The following ZNF462 variants were observed in gnomAD, a reference collection of about 807,000 sequenced individuals.
ZNF462 encodes the protein zinc finger PBX1-interacting protein.
Under a neutral mutation model 201.9 loss-of-function variants are expected in ZNF462, and 10 were observed. That is an observed-to-expected ratio of 0.05 (90% CI 0.03 to 0.08). The LOEUF (loss-of-function observed/expected upper bound fraction) is 0.08. Ranked by LOEUF, ZNF462 falls within the 10% of genes least tolerant of loss-of-function variation. ZNF462 has a pLI of 1.00. For missense variants in ZNF462, 2,523 were observed against 3,168.3 expected, an observed-to-expected ratio of 0.80 and a Z score of 4.89; for synonymous variants, 1,227 against 1,193.3, an observed-to-expected ratio of 1.03 and a Z score of -0.58.
At chr9:106,999,022 C>T (rs762077895) in intron 10 of ZNF462, among the ~76,000 whole-genome samples, 2 of 152,132 alleles carry the variant, frequency 1.3e-5, no homozygotes, top group East Asian at 3.9e-4. Context: ...GAATAAAGAT[C>T]TGCATATAGG....
At chr9:106,878,710 G>A (rs1313616749) in intron 1 of ZNF462, among the ~76,000 whole-genome samples, 1 of 152,230 alleles carries the variant, frequency 6.6e-6, no homozygotes, top group Non-Finnish European at 1.5e-5. Flanking sequence ...GAGTGGCTTA[G>A]GCTGTGGGTA....
intron 1 of ZNF462, among the ~76,000 whole-genome samples, chr9:106,897,269 G>A (rs775671090): frequency 2.0e-5 from 3 of 152,062 alleles, no homozygotes; most frequent in Non-Finnish European, 4.4e-5. Context: ...AACAGATTAT[G>A]TATTATGTTT....
intron 1 of ZNF462, among the ~76,000 whole-genome samples, chr9:106,896,058 G>A (rs955735159): frequency 2.6e-5 from 4 of 151,878 alleles, no homozygotes; most frequent in African/African-American, 9.7e-5. Flanking sequence ...CTCTTTACTT[G>A]GAAACTGTAC....
In ZNF462 at chr9:106,913,695, TCAAA is replaced by T. The variant is rs1289029278; in HGVS notation, c.-30-9656_-30-9653del. Among the ~76,000 whole-genome samples the T allele has an allele frequency of 1.4e-5, 2 of 139,728 alleles. No homozygotes were observed. Among genetic ancestry groups the T allele is most frequent in the Admixed American group, 7.3e-5 (1 of 13,744 alleles). The allele number at this position is 139,728 out of a possible 152,430, so 91.7% of individuals were successfully genotyped here. ...TCACTGCAACCTCTGTCTCCCAGGC[TCAAA>T]CAGTTTTCCTGCCTCAGCCTCCCGA... On this transcript the variant is annotated intron_variant, in intron 1 of 12. Coordinates refer to ENST00000277225, the MANE Select transcript of ZNF462 (RefSeq NM_021224.6). The surrounding 1 kb of genome is among the most constrained non-coding windows in gnomAD (Gnocchi z 4.1).
Position 106,925,370 on chromosome 9 carries a change from G to A in ZNF462, c.1458G>A (p.Gly486=). 6.2e-7 allele frequency: 1 copy of A among 1,614,162 alleles called. No homozygotes were observed. The stretch of plus-strand genomic sequence containing the variant: ...CTTGCAAGAGCTCGTTGAAACTTGG[G>A]GCTCACAAACAGTGTCACACGGGTA... The part of the protein sequence containing the change: ...PFTCKSSLKL[G]AHKQCHTGTT... Residue 486 remains glycine (G), a synonymous_variant, in exon 3 of 13, where the codon GGG becomes GGA. Coordinates refer to ENST00000277225, the MANE Select transcript of ZNF462 (RefSeq NM_021224.6). This position sits in a 1 kb window ranked among gnomAD's most constrained non-coding sequence, Gnocchi z 7.9.
intron 4 of ZNF462, among the ~76,000 whole-genome samples, chr9:106,931,601 C>T (rs1830429496): frequency 6.6e-6 from 1 of 152,168 alleles, no homozygotes; most frequent in Non-Finnish European, 1.5e-5. Context: ...CTTTCAGACA[C>T]CACTGCGGTG....
intron 1 of ZNF462, among the ~76,000 whole-genome samples, chr9:106,897,215 T>C (rs894917869): frequency 6.6e-6 from 1 of 152,232 alleles, no homozygotes; most frequent in African/African-American, 2.4e-5. Context: ...TTTTTCTATA[T>C]TTATATATTT....
chr9:106,960,800 A>C (rs1414635040), intron 7 of ZNF462, among the ~76,000 whole-genome samples: 2 of 152,116 alleles, frequency 1.3e-5, no homozygotes, highest in African/African-American at 2.4e-5. Flanking sequence ...AGAAAAAACA[A>C]ACACACACAT....
chr9:106,964,489 CCT>C (rs2131943238), intron 7 of ZNF462, among the ~76,000 whole-genome samples: 1 of 152,086 alleles, frequency 6.6e-6, no homozygotes, highest in Admixed American at 6.6e-5. Context: ...ATTGAAGTTC[CCT>C]GTTTTCTCCC....
chr9:106,934,493 A>G (rs1830550301), intron 5 of ZNF462, among the ~76,000 whole-genome samples: 1 of 152,222 alleles, frequency 6.6e-6, no homozygotes, highest in Admixed American at 6.5e-5. Flanking sequence ...TCTGGAAGAA[A>G]GGTTAGTGCC....
intron 6 of ZNF462, among the ~76,000 whole-genome samples, chr9:106,936,441 G>C (rs760244873): frequency 2.0e-5 from 3 of 152,144 alleles, no homozygotes; most frequent in Non-Finnish European, 4.4e-5. Flanking sequence ...CTCATGCTCT[G>C]TGTAAACAGG....
At chr9:106,934,008 T>C (rs1281591780) in intron 5 of ZNF462, among the ~76,000 whole-genome samples, 4 of 152,202 alleles carry the variant, frequency 2.6e-5, no homozygotes, top group Non-Finnish European at 4.4e-5. Flanking sequence ...TAGTATTTCA[T>C]AATTTAAATT....
rs568752696 is a variant in ZNF462 at position 106,885,079 on chromosome 9, A to C, written c.-31+21724A>C. Among the ~76,000 whole-genome samples, 5 of 152,350 alleles carry C rather than the reference A, an allele frequency of 3.3e-5. No homozygotes were observed. In the South Asian group the frequency reaches 1.0e-3, roughly 32 times the overall value. On this transcript the variant is annotated intron_variant, in intron 1 of 12. Coordinates refer to ENST00000277225, the MANE Select transcript of ZNF462 (RefSeq NM_021224.6). The surrounding 1 kb of genome is among the most constrained non-coding windows in gnomAD (Gnocchi z 4.1). ...ACCTTTCTAGAGAGATTTCTGCTTT[A>C]ATCTCAATAAAAAGGAAAATGGCCC...
chr9:106,929,403 A>G lies in ZNF462; in HGVS notation c.5491A>G (p.Lys1831Glu). ...MEEEERGNFE[K>E]AEVEGEAQEI... ...AGAAGAGGAGAGAGGCAACTTTGAG[A>G]AAGCCGAGGTGGAGGGTGAAGCTCA... is the stretch of plus-strand genomic sequence containing the variant. The change falls in exon 3 of 13, where the codon AAA becomes GAA. Residue 1831 changes from lysine (K) to glutamate (E), a missense_variant. Lys to Glu is a moderately conservative substitution (Grantham distance 56, BLOSUM62 1). Coordinates refer to ENST00000277225, the MANE Select transcript of ZNF462 (RefSeq NM_021224.6). This position sits in a 1 kb window ranked among gnomAD's most constrained non-coding sequence, Gnocchi z 8.7. 1 of 1,614,048 alleles carries G rather than the reference A, an allele frequency of 6.2e-7. No individual in the cohort carries two copies. Among genetic ancestry groups the G allele is most frequent in the African/African-American group, 1.3e-5 (1 of 75,026 alleles).
chr9:106,861,897 C>T (rs1372868299), upstream of ZNF462, among the ~76,000 whole-genome samples: 1 of 152,198 alleles, frequency 6.6e-6, no homozygotes, highest in Admixed American at 6.5e-5. Flanking sequence ...CTGATTGTTA[C>T]TTTCCGAGCC....
rs961220919 is a variant in ZNF462, at chr9:106,917,259, T to C, written c.-30-6095T>C. On this transcript the variant is annotated intron_variant, in intron 1 of 12. Coordinates refer to ENST00000277225, the MANE Select transcript of ZNF462 (RefSeq NM_021224.6). This position sits in a 1 kb window ranked among gnomAD's most constrained non-coding sequence, Gnocchi z 4.5. Reference sequence around the variant, plus strand: ...CATTTTAATGATGATTCCAAAGGTATCTATTAAGAAATAGTACTCCAGCAT... The same window carrying C: ...CATTTTAATGATGATTCCAAAGGTACCTATTAAGAAATAGTACTCCAGCAT... Among the ~76,000 whole-genome samples, 6 of 152,240 alleles carry C rather than the reference T, an allele frequency of 3.9e-5. No homozygotes were observed. The highest frequency in any genetic ancestry group is 8.8e-5 in the Non-Finnish European group (6 of 68,048).
At chr9:106,951,160 GA>G (rs1831329240) in intron 7 of ZNF462, among the ~76,000 whole-genome samples, 1 of 152,018 alleles carries the variant, frequency 6.6e-6, no homozygotes, top group South Asian at 2.1e-4. Flanking sequence ...GTTTTAAAAT[GA>G]AAGCTTTTTA....
At chr9:106,931,917 C>G (rs889659420) in intron 4 of ZNF462, among the ~76,000 whole-genome samples, 6 of 152,190 alleles carry the variant, frequency 3.9e-5, no homozygotes, top group Admixed American at 2.0e-4. Context: ...AGCCACAACC[C>G]TAGCCCAACT....
chr9:107,009,357 A>G lies in ZNF462; in HGVS notation c.7190-188A>G. ...GTCTTGGGGCCCAAGAACCAGAAACAGTTCTCGAATGCTATTCAAGGAATG... is the reference window on the plus strand; with the variant it reads ...GTCTTGGGGCCCAAGAACCAGAAACGGTTCTCGAATGCTATTCAAGGAATG... On this transcript the variant is annotated intron_variant, in intron 11 of 12. Coordinates refer to ENST00000277225, the MANE Select transcript of ZNF462 (RefSeq NM_021224.6). This position sits in a 1 kb window ranked among gnomAD's most constrained non-coding sequence, Gnocchi z 6.1. 1.5e-6 allele frequency: 1 copy of G among 668,296 alleles called. No individual in the cohort carries two copies. The highest frequency in any genetic ancestry group is 2.8e-5 in the South Asian group (1 of 35,190). 41.4% of individuals were successfully genotyped at this position (668,296 alleles called of 1,614,324 possible). A position where few individuals can be genotyped will look rare whatever the true frequency, so the allele number is the denominator to read the frequency against.
Sources: allele counts gnomAD v4.1 joint callset (sites outside exome capture counted in the v4.1 genomes callset), GRCh38; gene constraint gnomAD v4.1.1; non-coding constraint Gnocchi (gnomAD v3.1); transcripts MANE v1.5; gene names NCBI Gene and HGNC (gene_info 2026-07-23, HGNC 2026-07-21).